The following HDAC9 variants were observed in gnomAD, a reference collection of about 807,000 sequenced individuals.
HDAC9 encodes MEF-2 interacting transcription repressor (MITR) protein.
HDAC9 carries 41 observed loss-of-function variants against 139.4 expected under a neutral mutation model. That is an observed-to-expected ratio of 0.29 (90% CI 0.23 to 0.38). The LOEUF (loss-of-function observed/expected upper bound fraction) is 0.38. Among genes scored for constraint, HDAC9 ranks in the 10% least tolerant of loss-of-function variants. HDAC9 has a pLI of 1.00. For missense variants in HDAC9, 1,147 were observed against 1,297.0 expected, an observed-to-expected ratio of 0.88 and a Z score of 1.78; for synonymous variants, 517 against 476.2, an observed-to-expected ratio of 1.09 and a Z score of -1.12.
chr7:18,462,071 A>G (rs1341207102), intron 1 of HDAC9, among the ~76,000 whole-genome samples: 10 of 152,016 alleles, frequency 6.6e-5, no homozygotes, highest in African/African-American at 2.2e-4. Context: ...TCTCCTTTAA[A>G]TAGTTATAAA....
At chr7:18,737,824 C>T (rs1156979867) in intron 13 of HDAC9, among the ~76,000 whole-genome samples, 7 of 152,158 alleles carry the variant, frequency 4.6e-5, no homozygotes, top group South Asian at 2.1e-4. Context: ...TCTTAACCTT[C>T]TATCTCATTC....
chr7:18,331,075 T>C (rs1192593093), intron 1 of HDAC9, among the ~76,000 whole-genome samples: 1 of 151,652 alleles, frequency 6.6e-6, no homozygotes, highest in Non-Finnish European at 1.5e-5. Flanking sequence ...TGATCATAGG[T>C]TTTGCATTTG....
chr7:18,650,670 A>G (rs981963336), intron 11 of HDAC9, among the ~76,000 whole-genome samples: 1 of 152,214 alleles, frequency 6.6e-6, no homozygotes, highest in African/African-American at 2.4e-5. Context: ...ACCTTTTCCC[A>G]TGTGGAGCTG....
intron 22 of HDAC9, among the ~76,000 whole-genome samples, chr7:18,921,099 C>G (rs975552349): frequency 1.5e-4 from 23 of 152,088 alleles, no homozygotes; most frequent in Non-Finnish European, 2.5e-4. Context: ...GGATTAAAGA[C>G]TTACATGTTA....
chr7:18,192,226 C>T (rs571754732), intron 2 of HDAC9, among the ~76,000 whole-genome samples: 2 of 152,060 alleles, frequency 1.3e-5, no homozygotes, highest in Admixed American at 1.3e-4. Context: ...GGAGCAAATC[C>T]TTTATATTTG....
At chr7:18,248,620 C>T (rs980187239) in intron 2 of HDAC9, among the ~76,000 whole-genome samples, 5 of 152,030 alleles carry the variant, frequency 3.3e-5, no homozygotes, top group East Asian at 3.8e-4. Context: ...TTACAATTTC[C>T]GAATGAAAAT....
chr7:18,662,885 GTT>G (rs1793655389), intron 11 of HDAC9, among the ~76,000 whole-genome samples: 1 of 151,862 alleles, frequency 6.6e-6, no homozygotes, highest in African/African-American at 2.4e-5. Context: ...TAATTTGTTT[GTT>G]TGTTTCCTAG....
intron 17 of HDAC9, among the ~76,000 whole-genome samples, chr7:18,811,756 C>G (rs1263001765): frequency 6.6e-6 from 1 of 150,956 alleles, no homozygotes; most frequent in Non-Finnish European, 1.5e-5. Flanking sequence ...AAATTTTAAA[C>G]AAGTTTAAAT....
chr7:18,711,972 C>T (rs561866517), intron 12 of HDAC9, among the ~76,000 whole-genome samples: 2 of 146,014 alleles, frequency 1.4e-5, no homozygotes, highest in Non-Finnish European at 3.0e-5. Flanking sequence ...GTCAACCAAA[C>T]AAAGATAAAT....
Position 18,647,900 on chromosome 7 carries a change from T to G in HDAC9, c.1151T>G (p.Val384Gly). 1 of 1,612,992 alleles carries G rather than the reference T, an allele frequency of 6.2e-7. No individual in the cohort carries two copies. The highest frequency in any genetic ancestry group is 8.5e-7 in the Non-Finnish European group (1 of 1,179,502). ...SIPASSSHPH[V>G]TLEGKPPNSS... The stretch of plus-strand genomic sequence containing the variant: ...CCGGCATCTTCCAGCCACCCTCATG[T>G]TACTTTAGAGGGAAAGCCACCCAAC... The change falls in exon 10 of 26, where the codon GTT (valine) becomes GGT (glycine). Residue 384 changes from valine (V) to glycine (G), a missense_variant. Val to Gly is a moderately radical substitution (Grantham distance 109). This residue lies in a region of HDAC9 where 264 missense variants were observed against 273.8 expected (regional missense o/e 0.96). Coordinates refer to ENST00000686413, the MANE Select transcript of HDAC9 (RefSeq NM_178425.4).
intron 1 of HDAC9, among the ~76,000 whole-genome samples, chr7:18,106,994 T>C (rs1386545093): frequency 6.6e-6 from 1 of 152,234 alleles, no homozygotes; most frequent in African/African-American, 2.4e-5. Flanking sequence ...CAGAAAATCT[T>C]GAAAGAAGCT....
intron 12 of HDAC9, among the ~76,000 whole-genome samples, chr7:18,692,326 G>A (rs1163120293): frequency 6.6e-6 from 1 of 151,988 alleles, no homozygotes; most frequent in Admixed American, 6.6e-5. Flanking sequence ...CAAACTGGTG[G>A]CTCTGAGAAA....
chr7:18,132,666 C>T (rs1463420825), intron 1 of HDAC9, among the ~76,000 whole-genome samples: 1 of 152,122 alleles, frequency 6.6e-6, no homozygotes, highest in Non-Finnish European at 1.5e-5. Context: ...AAAAAGACAG[C>T]ATGTTCCTTC....
intron 16 of HDAC9, among the ~76,000 whole-genome samples, chr7:18,786,615 T>TTCCC (rs796497256): frequency 6.4e-4 from 21 of 32,590 alleles, no homozygotes; most frequent in Admixed American, 8.3e-4. Flanking sequence ...CCTTCCTTCC[T>TTCCC]TCCCTCCCTC....
In HDAC9 at chr7:18,838,942, A is replaced by G. The variant is rs17140104; in HGVS notation, c.2684+2945A>G. Among the ~76,000 whole-genome samples, 1,169 of 152,134 alleles carry G rather than the reference A, an allele frequency of 7.7e-3. 36 individuals are homozygous for G. The highest frequency in any genetic ancestry group is 0.054 in the Admixed American group (815 of 15,228). On this transcript the variant is annotated intron_variant, in intron 21 of 25. Transcript: ENST00000686413. ...TATTATGTGCTTTTTCTATAGCAAA[A>G]AAATCATAGACAAACCAAAGATTTC...
At chr7:18,758,372 A>G (rs1789069139) in intron 14 of HDAC9, among the ~76,000 whole-genome samples, 2 of 152,214 alleles carry the variant, frequency 1.3e-5, no homozygotes, top group Non-Finnish European at 2.9e-5. Context: ...AGAAAACTTT[A>G]GCCTATTTTT....
In HDAC9 at chr7:18,425,812, C is replaced by G. The variant is rs1790064530; in HGVS notation, c.-41-70450C>G. On this transcript the variant is annotated intron_variant, in intron 1 of 3. Coordinates refer to the HDAC9 transcript ENST00000413509. ...ACTGCAAGTCCCTTTAACAATATCC[C>G]TGTGATCTATGCATATAGGTGAGAT... Among the ~76,000 whole-genome samples, 6 of 152,176 alleles carry G rather than the reference C, an allele frequency of 3.9e-5. No homozygotes were observed. In the South Asian group the frequency reaches 1.2e-3, roughly 32 times the overall value.
At chr7:18,111,052 C>T (rs1034724118) in intron 1 of HDAC9, among the ~76,000 whole-genome samples, 2 of 152,236 alleles carry the variant, frequency 1.3e-5, no homozygotes, top group South Asian at 4.1e-4. Context: ...TCATCAGTTC[C>T]TAGAGTAAGT....
chr7:18,845,265 G>T (rs1796833821), intron 21 of HDAC9, among the ~76,000 whole-genome samples: 2 of 151,960 alleles, frequency 1.3e-5, no homozygotes, highest in South Asian at 4.1e-4. Flanking sequence ...ATATTATTTT[G>T]TCTCTCTTCT....
Sources: gnomAD v4.1 joint callset for allele counts (sites outside exome capture counted in the v4.1 genomes callset) on GRCh38, gnomAD v4.1.1 for gene constraint, gnomAD v4.1.1 regional missense constraint, MANE v1.5 for transcripts, NCBI Gene and HGNC (gene_info 2026-07-23, HGNC 2026-07-21) for gene names.